DYM: variants seen among roughly 807,000 people sequenced by gnomAD.
DYM encodes dyggve-Melchior-Clausen syndrome protein.
A neutral mutation model predicts 93.1 loss-of-function variants in DYM; 78 were observed. The ratio of observed to expected loss-of-function variants is 0.84; its 90% CI spans 0.70 to 1.01. The LOEUF (loss-of-function observed/expected upper bound fraction) is 1.01. Ranked by LOEUF, DYM falls within the 50% of genes least tolerant of loss-of-function variation. The pLI is 0.00. For synonymous variants in DYM, 321 were observed against 319.7 expected (o/e 1.00, Z -0.04); for missense variants, 789 against 845.0 (o/e 0.93, Z 0.82).
At chr18:49,256,852 T>C (rs1260232060) in intron 13 of DYM, among the ~76,000 whole-genome samples, 158 bp downstream of exon 13, 1 of 152,106 alleles carries the variant, frequency 6.6e-6, no homozygotes, top group Non-Finnish European at 1.5e-5. Flanking sequence ...GAAAACAAAA[T>C]GGAACGAGCT....
At position 49,112,131 on chromosome 18, in the gene DYM, C is replaced by CCTCCTCTCCGCACCCCA. The variant is rs2081471394; in HGVS notation, c.1911+6612_1911+6613insTGGGGTGCGGAGAGGAG. 6.6e-5 allele frequency among the ~76,000 whole-genome samples: 10 copies of CCTCCTCTCCGCACCCCA among 151,542 alleles called. No homozygotes were observed. In the Middle Eastern group the frequency reaches 0.014, roughly 206 times the overall value. ...TGCACCCGCCTCCTCTCCGCACCCC[C>CCTCCTCTCCGCACCCCA]CTCCCCTCCGCACCCCCACCCCTGC... On this transcript the variant is annotated intron_variant, in intron 16 of 17. Coordinates refer to ENST00000675505, the MANE Select transcript of DYM (RefSeq NM_001353214.3).
chr18:49,219,845 A>G (rs967975632), intron 13 of DYM, among the ~76,000 whole-genome samples: 1 of 150,932 alleles, frequency 6.6e-6, no homozygotes, highest in African/African-American at 2.4e-5. Context: ...GAAAACTGCC[A>G]CAAGACAGGG....
intron 6 of DYM, among the ~76,000 whole-genome samples, chr18:49,339,454 C>A (rs140541672): frequency 1.5e-3 from 226 of 152,294 alleles, no homozygotes; most frequent in Non-Finnish European, 2.8e-3. Context: ...TGAGTAGCCC[C>A]TCTTGCTCTT....
At chr18:49,248,321 A>C (rs754553773) in intron 13 of DYM, among the ~76,000 whole-genome samples, 4 of 152,196 alleles carry the variant, frequency 2.6e-5, no homozygotes, top group African/African-American at 4.8e-5. Context: ...AGACCAATAC[A>C]TTCTTTTGTA....
At chr18:49,337,471 A>C (rs1333087820) in intron 6 of DYM, among the ~76,000 whole-genome samples, 1 of 152,236 alleles carries the variant, frequency 6.6e-6, no homozygotes, top group Non-Finnish European at 1.5e-5. Flanking sequence ...TGGAACTATC[A>C]GAAAAGAGGC....
chr18:49,066,003 T>G (rs1599473115), intron 17 of DYM, among the ~76,000 whole-genome samples: 1 of 152,300 alleles, frequency 6.6e-6, no homozygotes, highest in South Asian at 2.1e-4. Flanking sequence ...GGAGCCTTCA[T>G]GGACCGCTCC....
chr18:49,175,142 A>G (rs1355975613), intron 14 of DYM, among the ~76,000 whole-genome samples: 1 of 152,148 alleles, frequency 6.6e-6, no homozygotes, highest in African/African-American at 2.4e-5. Flanking sequence ...GCATATTTGT[A>G]CTGTAAACAT....
In DYM at chr18:49,043,932, C is replaced by G; in HGVS notation, c.*123G>C. The G allele has an allele frequency of 8.5e-7, 1 of 1,181,818 alleles. No individual in the cohort carries two copies. Among genetic ancestry groups the G allele is most frequent in the East Asian group, 2.4e-5 (1 of 42,492 alleles). The allele number at this position is 1,181,818 out of a possible 1,614,324, so 73.2% of individuals were successfully genotyped here. On this transcript the variant is annotated 3_prime_UTR_variant, in exon 18 of 18. Transcript: ENST00000675505. The stretch of plus-strand genomic sequence containing the variant: ...TCAAAGTGTGTGAGGAAAACACACT[C>G]GTGCAATCCTCTTTAACAGAAGATA...
chr18:49,259,232 C>T (rs2094452496), intron 11 of DYM, among the ~76,000 whole-genome samples: 1 of 152,192 alleles, frequency 6.6e-6, no homozygotes. Flanking sequence ...GAACCCACCA[C>T]CTTGCAAAAC....
At chr18:49,329,298 G>C (rs572046928) in intron 8 of DYM, among the ~76,000 whole-genome samples, 18 of 120,128 alleles carry the variant, frequency 1.5e-4, no homozygotes, top group Admixed American at 2.7e-4. Context: ...GTGGGGGGGA[G>C]GGGGGAGGGA....
chr18:49,369,643 TAG>T (rs150818772), intron 5 of DYM, among the ~76,000 whole-genome samples: 12,147 of 152,286 alleles, frequency 0.08, 767 homozygotes, highest in East Asian at 0.31. Context: ...CATGACTTTT[TAG>T]AAGTCCCTTT....
chr18:49,058,815 T>C (rs1441981877), intron 17 of DYM, among the ~76,000 whole-genome samples: 1 of 152,150 alleles, frequency 6.6e-6, no homozygotes. Flanking sequence ...ATAAGACACT[T>C]ATATTTGGGG....
At chr18:49,109,763 G>A (rs2145824995) in intron 16 of DYM, among the ~76,000 whole-genome samples, 1 of 152,328 alleles carries the variant, frequency 6.6e-6, no homozygotes, top group Non-Finnish European at 1.5e-5. Flanking sequence ...ATCTCTTAGA[G>A]TGGTCAGTAA....
chr18:49,124,607 A>C (rs2082654816), intron 15 of DYM, among the ~76,000 whole-genome samples: 1 of 152,096 alleles, frequency 6.6e-6, no homozygotes, highest in African/African-American at 2.4e-5. Context: ...AGTTACACTA[A>C]CCCTCTTATT....
intron 17 of DYM, among the ~76,000 whole-genome samples, chr18:49,071,565 C>T (rs560898402): frequency 6.6e-6 from 1 of 152,328 alleles, no homozygotes; most frequent in Non-Finnish European, 1.5e-5. Flanking sequence ...AACCACCAGC[C>T]AGCATAGGCT....
intron 2 of DYM, among the ~76,000 whole-genome samples, chr18:49,394,902 T>C (rs1039824811): frequency 1.3e-5 from 2 of 152,106 alleles, no homozygotes; most frequent in South Asian, 4.2e-4. Flanking sequence ...GAAAGAACAA[T>C]CTCTTCAACA....
chr18:49,316,421 T>A (rs1461466118), intron 8 of DYM, among the ~76,000 whole-genome samples: 1 of 152,184 alleles, frequency 6.6e-6, no homozygotes, highest in Admixed American at 6.5e-5. Context: ...GCCCCAGAAC[T>A]AATATATCTG....
intron 1 of DYM, among the ~76,000 whole-genome samples, chr18:49,430,977 T>G (rs1225901621): frequency 6.6e-6 from 1 of 152,080 alleles, no homozygotes. Context: ...ACCATGTATC[T>G]TAGGATGGGC....
chr18:49,130,638 G>T (rs1346466349), intron 15 of DYM, among the ~76,000 whole-genome samples: 5 of 152,106 alleles, frequency 3.3e-5, no homozygotes, highest in Non-Finnish European at 7.3e-5. Flanking sequence ...CTATTAAGAT[G>T]ATCATGACTT....
Sources: allele counts gnomAD v4.1 joint callset (sites outside exome capture counted in the v4.1 genomes callset), GRCh38; gene constraint gnomAD v4.1.1; transcripts MANE v1.5; gene names NCBI Gene and HGNC (gene_info 2026-07-23, HGNC 2026-07-21).